Variants in PGPEP1 observed in about 807,000 individuals in gnomAD.
The protein encoded by PGPEP1 is pyroglutamyl-peptidase I.
In PGPEP1, 15 loss-of-function variants were observed where a neutral mutation model predicts 24.1. The ratio of observed to expected loss-of-function variants is 0.62; its 90% CI spans 0.42 to 0.96. The LOEUF (loss-of-function observed/expected upper bound fraction) is 0.96, where lower values mean the gene tolerates loss of function less well. Among genes scored for constraint, PGPEP1 ranks in the 40% least tolerant of loss-of-function variants. The pLI is 0.00. For missense variants in PGPEP1, 242 were observed against 273.4 expected, an observed-to-expected ratio of 0.89 and a Z score of 0.81; for synonymous variants, 122 against 116.4, an observed-to-expected ratio of 1.05 and a Z score of -0.31.
chr19:18,357,626 G>A lies in PGPEP1; in HGVS notation c.437+11G>A. On this transcript the variant is annotated intron_variant, in intron 4 of 4. Transcript: ENST00000269919. ...GCAGGATGCCGGCAGGTAGGGCCCTGTGGGGTGGGAGTGAGTGGGGATTTC... is the reference window on the plus strand; with the variant it reads ...GCAGGATGCCGGCAGGTAGGGCCCTATGGGGTGGGAGTGAGTGGGGATTTC... 6.3e-7 allele frequency: 1 copy of A among 1,578,134 alleles called. No individual in the cohort carries two copies. The highest frequency in any genetic ancestry group is 8.6e-7 in the Non-Finnish European group (1 of 1,158,132).
intron 2 of PGPEP1, among the ~76,000 whole-genome samples, chr19:18,351,163 G>A (rs1329516601): frequency 6.6e-6 from 1 of 151,890 alleles, no homozygotes; most frequent in Non-Finnish European, 1.5e-5. Flanking sequence ...TACTCGGGAG[G>A]CTGAGGCAGG....
intron 3 of PGPEP1, among the ~76,000 whole-genome samples, chr19:18,356,235 C>A (rs1469690187): frequency 6.6e-6 from 1 of 151,770 alleles, no homozygotes; most frequent in African/African-American, 2.4e-5. Context: ...GAGTTCGCAA[C>A]CAGCCTGGGC....
At position 18,345,725 on chromosome 19, in the gene PGPEP1, CAA is replaced by C. The variant is rs1263995077; in HGVS notation, c.87+2833_87+2834del. ...CAGGTGACAGAGCTAGACCCTATCT[CAA>C]AAAAAAAAAAAAAAAAAAGAAAAGA... On this transcript the variant is annotated intron_variant, in intron 2 of 4. Coordinates refer to ENST00000269919, the MANE Select transcript of PGPEP1 (RefSeq NM_017712.4). Among the ~76,000 whole-genome samples, 438 of 89,736 alleles carry C rather than the reference CAA, an allele frequency of 4.9e-3. 2 individuals are homozygous for C. Among genetic ancestry groups the C allele is most frequent in the Middle Eastern group, 0.015 (2 of 132 alleles). 58.9% of individuals were successfully genotyped at this position (89,736 alleles called of 152,430 possible). A position where few individuals can be genotyped will look rare whatever the true frequency, so the allele number is the denominator to read the frequency against.
chr19:18,357,947 C>T, intron 4 of PGPEP1: 1 of 349,448 alleles, frequency 2.9e-6, no homozygotes, highest in South Asian at 3.1e-5. Flanking sequence ...CCTGGAGCTG[C>T]TATAACAAAT....
Position 18,365,036 on chromosome 19 carries a change from G to C in PGPEP1, c.*1453G>C, listed in dbSNP as rs1971497085. Reference sequence around the variant, plus strand: ...AGGAGGAATTCCGGGCGGCCAAAGGGTTTTATGTAGATTGCTTTTGGACAC... The same window carrying C: ...AGGAGGAATTCCGGGCGGCCAAAGGCTTTTATGTAGATTGCTTTTGGACAC... On this transcript the variant is annotated 3_prime_UTR_variant, in exon 5 of 5. Transcript: ENST00000269919. 1 of 152,010 alleles carries C rather than the reference G, an allele frequency of 6.6e-6. No individual in the cohort carries two copies. 9.4% of individuals were successfully genotyped at this position (152,010 alleles called of 1,614,324 possible). A position where few individuals can be genotyped will look rare whatever the true frequency, so the allele number is the denominator to read the frequency against.
chr19:18,340,850 C>A, intron 1 of PGPEP1, 135 bp downstream of exon 1: 1 of 630,322 alleles, frequency 1.6e-6, no homozygotes. Flanking sequence ...CGCGGGAGCC[C>A]CGCGCAGCCC....
intron 2 of PGPEP1, among the ~76,000 whole-genome samples, chr19:18,352,593 G>T (rs1050177662): frequency 6.6e-6 from 1 of 151,300 alleles, no homozygotes; most frequent in Non-Finnish European, 1.5e-5. Context: ...TTGCTCTGTC[G>T]CCCAGGCTAG....
chr19:18,354,545 T>A (rs1971124751), intron 2 of PGPEP1, among the ~76,000 whole-genome samples: 2 of 151,968 alleles, frequency 1.3e-5, no homozygotes, highest in South Asian at 4.2e-4. Flanking sequence ...GGGCACAGGG[T>A]CTCACCCTGC....
Position 18,349,724 on chromosome 19 carries a change from G to GT in PGPEP1, c.88-6170dup, listed in dbSNP as rs1254566076. Among the ~76,000 whole-genome samples, 4 of 152,308 alleles carry GT rather than the reference G, an allele frequency of 2.6e-5. No individual in the cohort carries two copies. The East Asian group carries it at 7.7e-4, about 29-fold the overall frequency. Reference sequence around the variant, plus strand: ...CTCCCATTCCTTCCTTGCCCAGAAGGTGGCACAGTCTCGCCACGGGTCATG... The same window carrying GT: ...CTCCCATTCCTTCCTTGCCCAGAAGGTTGGCACAGTCTCGCCACGGGTCATG... On this transcript the variant is annotated intron_variant, in intron 2 of 4. Transcript: ENST00000269919.
chr19:18,347,270 CTTTTTT>C (rs59936417), intron 2 of PGPEP1, among the ~76,000 whole-genome samples: 4 of 94,420 alleles, frequency 4.2e-5, no homozygotes, highest in Non-Finnish European at 7.8e-5. Flanking sequence ...TTCTTTCTTT[CTTTTTT>C]TTTTTTTTTT....
chr19:18,343,038 C>T, intron 2 of PGPEP1, 127 bp downstream of exon 2: 1 of 690,366 alleles, frequency 1.4e-6, no homozygotes, highest in Non-Finnish European at 2.5e-6. Flanking sequence ...CTTACTCTGT[C>T]ACCCAGGCTG....
Position 18,357,512 on chromosome 19 carries a change from G to A in PGPEP1, c.334G>A (p.Gly112Arg), listed in dbSNP as rs938483036. 9 of 1,613,452 alleles carry A rather than the reference G, an allele frequency of 5.6e-6. No homozygotes were observed. The highest frequency in any genetic ancestry group is 1.1e-5 in the South Asian group (1 of 90,940). ...CGGCTCCCAGTGCTGCGTGGAGGACGGGCCTGAAAGCATTGACTCCATCAT... is the reference window on the plus strand; with the variant it reads ...CGGCTCCCAGTGCTGCGTGGAGGACAGGCCTGAAAGCATTGACTCCATCAT... Reference protein sequence around the residue: ...CPGSQCCVEDGPESIDSIIDM... With the variant: ...CPGSQCCVEDRPESIDSIIDM... The change falls in exon 4 of 5, where the codon GGG becomes AGG. Residue 112 changes from glycine to arginine, a missense_variant. Gly to Arg is a moderately radical substitution (Grantham distance 125). Coordinates refer to ENST00000269919, the MANE Select transcript of PGPEP1 (RefSeq NM_017712.4).
chr19:18,364,145 C>CTTTCTTTCTTTCTTTCT lies in PGPEP1; in HGVS notation c.*563_*564insTTCTTTCTTTCTTTCTT, dbSNP rs1568321269. ...CTTTCTTTCTTGCTTTCTTTCTTCT[C>CTTTCTTTCTTTCTTTCT]TCTCTCTCTTTTTTTTTTTTTTTAA... On this transcript the variant is annotated 3_prime_UTR_variant, in exon 5 of 5. Transcript: ENST00000269919. 6.8e-4 allele frequency: 30 copies of CTTTCTTTCTTTCTTTCT among 44,080 alleles called. No individual in the cohort carries two copies. The highest frequency in any genetic ancestry group is 4.5e-3 in the African/African-American group (30 of 6,626). 2.7% of individuals were successfully genotyped at this position (44,080 alleles called of 1,614,324 possible).
chr19:18,352,266 C>CAAAAAAAAAAAAAAAAAGAAA (rs1971052324), intron 2 of PGPEP1, among the ~76,000 whole-genome samples: 1 of 43,664 alleles, frequency 2.3e-5, no homozygotes, highest in Non-Finnish European at 4.3e-5. Context: ...GACTCCGTCT[C>CAAAAAAAAAAAAAAAAAGAAA]AAAAAAAAAA....
intron 2 of PGPEP1, among the ~76,000 whole-genome samples, chr19:18,349,354 T>A (rs1162078069): frequency 2.0e-5 from 3 of 151,856 alleles, no homozygotes; most frequent in African/African-American, 7.3e-5. Context: ...AGAGACAGGG[T>A]TTCGCCATGT....
chr19:18,348,991 G>A (rs998315297), intron 2 of PGPEP1: 7 of 425,302 alleles, frequency 1.6e-5, no homozygotes, highest in East Asian at 1.5e-4. Flanking sequence ...TTGAACTTCC[G>A]GGCTCAAATG....
chr19:18,360,104 A>T (rs1971300935), intron 4 of PGPEP1, among the ~76,000 whole-genome samples: 1 of 152,088 alleles, frequency 6.6e-6, no homozygotes, highest in Admixed American at 6.6e-5. Context: ...TCCTGGGATT[A>T]AGTGATCCCC....
chr19:18,361,977 G>A lies in PGPEP1; in HGVS notation c.438-1414G>A, dbSNP rs1971358275. On this transcript the variant is annotated intron_variant, in intron 4 of 4. Coordinates refer to ENST00000269919, the MANE Select transcript of PGPEP1 (RefSeq NM_017712.4). ...GATTCCATGGTGTGGATAAACCAGA[G>A]TTTACTAAGCCACTCCCTGTCAGTG... 4.1e-6 allele frequency: 3 copies of A among 725,646 alleles called. No individual in the cohort carries two copies. The South Asian group carries it at 1.8e-4, about 45-fold the overall frequency. The allele number at this position is 725,646 out of a possible 1,614,324, so 45.0% of individuals were successfully genotyped here.
At chr19:18,351,659 T>C (rs1600207084) in intron 2 of PGPEP1, among the ~76,000 whole-genome samples, 1 of 148,686 alleles carries the variant, frequency 6.7e-6, no homozygotes, top group Non-Finnish European at 1.5e-5. Context: ...AAAATCGATG[T>C]AAAAACAAGC....
Sources: allele counts gnomAD v4.1 joint callset (sites outside exome capture counted in the v4.1 genomes callset), GRCh38; gene constraint gnomAD v4.1.1; transcripts MANE v1.5; gene names NCBI Gene and HGNC (gene_info 2026-07-23, HGNC 2026-07-21).